PTGER3: variants seen among roughly 807,000 people sequenced by gnomAD.
The protein encoded by PTGER3 is prostaglandin E2 receptor EP3 subtype.
Under a neutral mutation model 34.7 loss-of-function variants are expected in PTGER3, and 22 were observed. The ratio of observed to expected loss-of-function variants is 0.63; its 90% CI spans 0.45 to 0.91. The LOEUF (loss-of-function observed/expected upper bound fraction) is 0.91, where lower values mean the gene tolerates loss of function less well. Among genes scored for constraint, PTGER3 ranks in the 40% least tolerant of loss-of-function variants. The probability of loss-of-function intolerance (pLI) is 0.00; values close to 1 mark genes in which losing one functional copy is unlikely to be tolerated. For synonymous variants in PTGER3, 241 were observed against 230.1 expected (o/e 1.05, Z -0.43); for missense variants, 468 against 519.4 (o/e 0.90, Z 0.96).
intron 2 of PTGER3, among the ~76,000 whole-genome samples, chr1:71,003,461 C>A (rs567217697): frequency 1.3e-5 from 2 of 152,132 alleles, no homozygotes; most frequent in South Asian, 4.1e-4. Flanking sequence ...TCTTGTTGGG[C>A]CAGCACAAGG....
At chr1:70,987,870 T>TGC (rs1204787466) in intron 2 of PTGER3, among the ~76,000 whole-genome samples, 1 of 152,228 alleles carries the variant, frequency 6.6e-6, no homozygotes, top group Non-Finnish European at 1.5e-5. Context: ...ATTGATTACA[T>TGC]ATCTTTCATG....
chr1:70,992,459 G>A (rs755654850), intron 2 of PTGER3, among the ~76,000 whole-genome samples: 1 of 152,132 alleles, frequency 6.6e-6, no homozygotes, highest in African/African-American at 2.4e-5. Context: ...CTGTTATAGC[G>A]ACCCACATGT....
chr1:70,978,411 A>G (rs1257019506), intron 2 of PTGER3, among the ~76,000 whole-genome samples: 1 of 152,178 alleles, frequency 6.6e-6, no homozygotes, highest in African/African-American at 2.4e-5. Flanking sequence ...TGTTCGTGAC[A>G]TAAAATAGTC....
chr1:70,988,947 C>T (rs1478233741), intron 2 of PTGER3, among the ~76,000 whole-genome samples: 1 of 152,102 alleles, frequency 6.6e-6, no homozygotes, highest in Non-Finnish European at 1.5e-5. Flanking sequence ...GTCACCAAGG[C>T]TTTGGGAGTT....
At chr1:70,874,624 ACT>A (rs1456876822) in intron 4 of PTGER3, among the ~76,000 whole-genome samples, 1 of 150,110 alleles carries the variant, frequency 6.7e-6, no homozygotes, top group East Asian at 2.0e-4. Context: ...TTTCTTTGAG[ACT>A]CTGTTTCTGT....
At chr1:70,947,359 T>C (rs181686989) in intron 4 of PTGER3, 1 of 152,812 alleles carries the variant, frequency 6.5e-6, no homozygotes, top group African/African-American at 2.4e-5. Flanking sequence ...CAAGATAAGA[T>C]GGGTTTATCA....
At chr1:70,905,158 G>T (rs2100357156) in intron 4 of PTGER3, among the ~76,000 whole-genome samples, 1 of 152,246 alleles carries the variant, frequency 6.6e-6, no homozygotes, top group Non-Finnish European at 1.5e-5. Flanking sequence ...AAGAATTGGG[G>T]TTTGTGAACC....
intron 3 of PTGER3, among the ~76,000 whole-genome samples, chr1:70,973,322 G>A (rs953675387): frequency 1.3e-5 from 2 of 151,800 alleles, no homozygotes; most frequent in Admixed American, 6.6e-5. Flanking sequence ...ATAAATGTGA[G>A]TTGAGTAAAA....
chr1:70,942,359 A>AT (rs1054120695), intron 4 of PTGER3, among the ~76,000 whole-genome samples: 1 of 152,126 alleles, frequency 6.6e-6, no homozygotes, highest in Non-Finnish European at 1.5e-5. Context: ...ATCTTGAGGC[A>AT]TTTTTTAACC....
chr1:70,860,730 T>A (rs1645909919), intron 4 of PTGER3, among the ~76,000 whole-genome samples: 1 of 152,098 alleles, frequency 6.6e-6, no homozygotes, highest in Non-Finnish European at 1.5e-5. Flanking sequence ...GACCTTATTG[T>A]ACATCATAAA....
intron 4 of PTGER3, among the ~76,000 whole-genome samples, chr1:70,894,170 G>C (rs1369318859): frequency 6.6e-6 from 1 of 151,786 alleles, no homozygotes; most frequent in African/African-American, 2.4e-5. Context: ...TTAGCCGGGC[G>C]TGGTGGTGGG....
At chr1:71,027,902 T>C (rs1659075437) in intron 1 of PTGER3, among the ~76,000 whole-genome samples, 1 of 152,218 alleles carries the variant, frequency 6.6e-6, no homozygotes, top group African/African-American at 2.4e-5. Context: ...GTATCTCAAT[T>C]TGGATTAATC....
intron 4 of PTGER3, among the ~76,000 whole-genome samples, chr1:70,864,139 T>C (rs12121333): frequency 0.15 from 22,675 of 152,130 alleles, 2,018 homozygotes; most frequent in African/African-American, 0.25. Flanking sequence ...TTTGCCTGGG[T>C]CACTCTCCAC....
In PTGER3 at chr1:70,953,784, T is replaced by A. The variant is rs761024899; in HGVS notation, c.1083A>T (p.Arg361Ser). The stretch of plus-strand genomic sequence containing the variant: ...TTACTTGCTCTCTGAGTCTTCTTTT[T>A]CTCATCTGAAAAAGAGTAATAACAG... Residue 361 changes from arginine to serine, a missense_variant, in exon 3 of 4, where the codon AGA (arginine) becomes AGT (serine). Coordinates refer to the PTGER3 transcript ENST00000356595. 3.6e-5 allele frequency: 51 copies of A among 1,412,262 alleles called. No individual in the cohort carries two copies. The highest frequency in any genetic ancestry group is 1.8e-4 in the Middle Eastern group (1 of 5,504). 87.5% of individuals were successfully genotyped at this position (1,412,262 alleles called of 1,614,324 possible).
intron 4 of PTGER3, among the ~76,000 whole-genome samples, chr1:70,883,246 TG>T (rs1319031158): frequency 4.6e-5 from 7 of 152,208 alleles, no homozygotes; most frequent in African/African-American, 1.7e-4. Context: ...AACGTAATTT[TG>T]GTACAAAATT....
intron 4 of PTGER3, among the ~76,000 whole-genome samples, chr1:70,917,405 G>T (rs1442016862): frequency 1.1e-5 from 1 of 87,162 alleles, no homozygotes; most frequent in Non-Finnish European, 2.2e-5. Context: ...ATTTTATTTT[G>T]TGTGTGTGTG....
intron 4 of PTGER3, among the ~76,000 whole-genome samples, chr1:70,854,093 A>G (rs1277230111): frequency 6.6e-6 from 1 of 152,216 alleles, no homozygotes; most frequent in African/African-American, 2.4e-5. Context: ...CACCAAAACC[A>G]CAGGCAATAA....
rs531754205 is a variant in PTGER3 at position 71,047,692 on chromosome 1, C to A, written c.-115G>T. Reference sequence around the variant, plus strand: ...TACCGCGGCTGGGGCTGGGCTGCCCCCCATGGTGCGGGGCGCAGCCGCCGC... The same window carrying A: ...TACCGCGGCTGGGGCTGGGCTGCCCACCATGGTGCGGGGCGCAGCCGCCGC... On this transcript the variant is annotated 5_prime_UTR_variant, in exon 1 of 4. Coordinates refer to ENST00000306666, the MANE Select transcript of PTGER3 (RefSeq NM_198719.2). The A allele has an allele frequency of 5.3e-5, 67 of 1,273,626 alleles. No individual in the cohort carries two copies. The South Asian group carries it at 6.4e-4, about 12-fold the overall frequency. The allele number at this position is 1,273,626 out of a possible 1,614,324, so 78.9% of individuals were successfully genotyped here.
chr1:70,980,783 G>A (rs989001737), intron 2 of PTGER3, among the ~76,000 whole-genome samples: 2 of 152,128 alleles, frequency 1.3e-5, no homozygotes, highest in African/African-American at 4.8e-5. Context: ...TCACCTAGAG[G>A]TTCTTGTAAG....
Sources: gnomAD v4.1 joint callset for allele counts (sites outside exome capture counted in the v4.1 genomes callset) on GRCh38, gnomAD v4.1.1 for gene constraint, MANE v1.5 for transcripts, NCBI Gene and HGNC (gene_info 2026-07-23, HGNC 2026-07-21) for gene names.